The following TMEM135 variants were observed in gnomAD, a reference collection of about 807,000 sequenced individuals.
TMEM135 encodes transmembrane protein 135, also known as peroxisomal membrane protein 52.
Under a neutral mutation model 60.3 loss-of-function variants are expected in TMEM135, and 30 were observed. The observed-to-expected ratio is 0.50, with a 90% CI of 0.37 to 0.68. The LOEUF is 0.68. Among genes scored for constraint, TMEM135 ranks in the 30% least tolerant of loss-of-function variants. The pLI, the probability that TMEM135 is intolerant of heterozygous loss-of-function variation, is 0.00. For missense variants in TMEM135, 468 were observed against 548.8 expected, an observed-to-expected ratio of 0.85 and a Z score of 1.47; for synonymous variants, 190 against 186.7, an observed-to-expected ratio of 1.02 and a Z score of -0.14.
At chr11:87,312,363 C>T (rs1240970760) in intron 10 of TMEM135, among the ~76,000 whole-genome samples, 1 of 151,748 alleles carries the variant, frequency 6.6e-6, no homozygotes, top group East Asian at 1.9e-4. Flanking sequence ...CAGTGTCAGA[C>T]CTTACAACAC....
chr11:87,245,676 C>T (rs1322585813), intron 6 of TMEM135, among the ~76,000 whole-genome samples: 1 of 132,788 alleles, frequency 7.5e-6, no homozygotes. Flanking sequence ...ATTGCAACCC[C>T]TGCCTTTTTT....
At chr11:87,192,641 T>A (rs1939836642) in intron 5 of TMEM135, among the ~76,000 whole-genome samples, 3 of 152,144 alleles carry the variant, frequency 2.0e-5, no homozygotes, top group Non-Finnish European at 4.4e-5. Context: ...TATTATTTTA[T>A]TTATAAATAA....
intron 6 of TMEM135, among the ~76,000 whole-genome samples, chr11:87,295,232 C>T (rs1370014399): frequency 6.6e-6 from 1 of 152,188 alleles, no homozygotes; most frequent in Non-Finnish European, 1.5e-5. Flanking sequence ...TCTCCCCTCA[C>T]CCCAACTCTG....
chr11:87,087,417 TTTC>T (rs769291608), intron 3 of TMEM135, among the ~76,000 whole-genome samples: 133 of 152,304 alleles, frequency 8.7e-4, no homozygotes, highest in Middle Eastern at 6.8e-3. Context: ...ATCCATTTTC[TTTC>T]TTCTTAGCTG....
chr11:87,320,067 AT>A (rs1942795820), intron 14 of TMEM135, among the ~76,000 whole-genome samples: 2 of 152,202 alleles, frequency 1.3e-5, no homozygotes, highest in East Asian at 3.8e-4. Context: ...AATTGCTATC[AT>A]TATTAATAAT....
intron 5 of TMEM135, among the ~76,000 whole-genome samples, chr11:87,210,431 T>C (rs115937358): frequency 0.015 from 2,240 of 152,220 alleles, 55 homozygotes; most frequent in African/African-American, 0.051. Flanking sequence ...GAATAAATTC[T>C]TGGAAACACA....
In TMEM135 at chr11:87,235,716, CA is replaced by C. The variant is rs549650821; in HGVS notation, c.463-920del. ...TTTTTTAACATAAGAATGCATTCTACAATTTTAATTTTTGTGATTTAAAACA... is the reference window on the plus strand; with the variant it reads ...TTTTTTAACATAAGAATGCATTCTACATTTTAATTTTTGTGATTTAAAACA... On this transcript the variant is annotated intron_variant, in intron 5 of 14. Transcript: ENST00000305494. Among the ~76,000 whole-genome samples the C allele has an allele frequency of 4.0e-3, 601 of 152,000 alleles. 1 individual carries two copies. Among genetic ancestry groups the C allele is most frequent in the Non-Finnish European group, 6.0e-3 (408 of 67,890 alleles).
At chr11:87,232,528 G>A (rs1014767322) in intron 5 of TMEM135, among the ~76,000 whole-genome samples, 2 of 152,006 alleles carry the variant, frequency 1.3e-5, no homozygotes, top group African/African-American at 4.8e-5. Flanking sequence ...GTAAACCACT[G>A]AAACAGAATG....
At chr11:87,151,418 A>G (rs958169255) in intron 4 of TMEM135, among the ~76,000 whole-genome samples, 5 of 151,992 alleles carry the variant, frequency 3.3e-5, no homozygotes, top group Non-Finnish European at 7.4e-5. Flanking sequence ...TTTTGTGGGT[A>G]CTTTTCAGAA....
At chr11:87,171,329 C>T (rs1939230710) in intron 5 of TMEM135, among the ~76,000 whole-genome samples, 1 of 133,830 alleles carries the variant, frequency 7.5e-6, no homozygotes, top group African/African-American at 2.9e-5. Flanking sequence ...AGGTTCAAGA[C>T]AGTGTAGTGT....
chr11:87,239,936 TA>T (rs1941092987), intron 6 of TMEM135, among the ~76,000 whole-genome samples: 1 of 152,138 alleles, frequency 6.6e-6, no homozygotes, highest in South Asian at 2.1e-4. Context: ...AATAGTTTTT[TA>T]ATAGTTATTT....
At chr11:87,088,498 T>C (rs982507275) in intron 3 of TMEM135, among the ~76,000 whole-genome samples, 1 of 152,352 alleles carries the variant, frequency 6.6e-6, no homozygotes, top group East Asian at 1.9e-4. Context: ...ACTCAATTGT[T>C]GAAAACTGTA....
At chr11:87,292,060 G>T (rs1942275394) in intron 6 of TMEM135, among the ~76,000 whole-genome samples, 1 of 152,054 alleles carries the variant, frequency 6.6e-6, no homozygotes, top group Non-Finnish European at 1.5e-5. Flanking sequence ...AGCTGACTCT[G>T]TATCATGGGC....
At chr11:87,289,557 A>G (rs974199726) in intron 6 of TMEM135, among the ~76,000 whole-genome samples, 17 of 147,440 alleles carry the variant, frequency 1.2e-4, no homozygotes, top group African/African-American at 4.3e-4. Context: ...CCCAGGTTCA[A>G]CCGATTCTCC....
rs1256816261 is a variant in TMEM135, at chr11:87,040,569, G to A, written c.141+2383G>A. ...CCCAGCTACTCGGGAGGCTGAGGCAGGAAAATCACTTGAACCTGGGAGGTG... is the reference window on the plus strand; with the variant it reads ...CCCAGCTACTCGGGAGGCTGAGGCAAGAAAATCACTTGAACCTGGGAGGTG... On this transcript the variant is annotated intron_variant, in intron 1 of 14. Coordinates refer to ENST00000305494, the MANE Select transcript of TMEM135 (RefSeq NM_022918.4). Among the ~76,000 whole-genome samples, 4 of 152,044 alleles carry A rather than the reference G, an allele frequency of 2.6e-5. No homozygotes were observed. The East Asian group carries it at 7.8e-4, about 29-fold the overall frequency.
intron 1 of TMEM135, among the ~76,000 whole-genome samples, chr11:87,045,573 C>T (rs1037947495): frequency 2.0e-5 from 3 of 152,158 alleles, no homozygotes; most frequent in Non-Finnish European, 4.4e-5. Flanking sequence ...TAGAAAGAGA[C>T]CCACCTGGAG....
At chr11:87,257,942 C>A (rs2135398200) in intron 6 of TMEM135, among the ~76,000 whole-genome samples, 1 of 152,148 alleles carries the variant, frequency 6.6e-6, no homozygotes, top group Admixed American at 6.5e-5. Context: ...AAAATTAAGT[C>A]ACAGATTGCC....
chr11:87,045,813 A>C (rs1784044556), intron 1 of TMEM135, among the ~76,000 whole-genome samples: 3 of 152,214 alleles, frequency 2.0e-5, no homozygotes, highest in Middle Eastern at 3.2e-3. Flanking sequence ...GGGGAGACTG[A>C]TATTTGATGA....
intron 6 of TMEM135, among the ~76,000 whole-genome samples, chr11:87,274,511 A>G (rs1338130715): frequency 1.3e-5 from 2 of 152,160 alleles, no homozygotes; most frequent in Non-Finnish European, 2.9e-5. Context: ...AAAGACTAAA[A>G]TATGCTAAAT....
Sources: gnomAD v4.1 joint callset for allele counts (sites outside exome capture counted in the v4.1 genomes callset) on GRCh38, gnomAD v4.1.1 for gene constraint, MANE v1.5 for transcripts, NCBI Gene and HGNC (gene_info 2026-07-23, HGNC 2026-07-21) for gene names.